MAPKAPK2: variants seen among roughly 807,000 people sequenced by gnomAD.
MAPKAPK2 encodes the protein MAPK activated protein kinase 2.
In MAPKAPK2, 9 loss-of-function variants were observed where a neutral mutation model predicts 48.8. The ratio of observed to expected loss-of-function variants is 0.18; its 90% CI spans 0.11 to 0.32. The LOEUF (loss-of-function observed/expected upper bound fraction) is 0.32. MAPKAPK2 is among the 10% of genes least tolerant of loss of function. The pLI is 1.00. For missense variants in MAPKAPK2, 331 were observed against 498.3 expected (o/e 0.66, Z 3.20); for synonymous variants, 202 against 190.6 (o/e 1.06, Z -0.49).
At chr1:206,712,326 C>T (rs1398874831) in intron 1 of MAPKAPK2, among the ~76,000 whole-genome samples, 1 of 152,084 alleles carries the variant, frequency 6.6e-6, no homozygotes, top group Non-Finnish European at 1.5e-5. Context: ...TGAAGGAAAC[C>T]GGAGGTATAA....
At chr1:206,715,679 T>G (rs1346737478) in intron 1 of MAPKAPK2, among the ~76,000 whole-genome samples, 2 of 150,174 alleles carry the variant, frequency 1.3e-5, no homozygotes, top group Non-Finnish European at 3.0e-5. Flanking sequence ...CAGGCTGAAG[T>G]GCAGTGGTAC....
At chr1:206,716,889 T>C (rs957802056) in intron 1 of MAPKAPK2, among the ~76,000 whole-genome samples, 3 of 152,072 alleles carry the variant, frequency 2.0e-5, no homozygotes, top group Admixed American at 2.0e-4. Flanking sequence ...ACATTTAGGG[T>C]GTTTCCTTCC....
chr1:206,689,880 G>A (rs2102372581), intron 1 of MAPKAPK2, among the ~76,000 whole-genome samples: 1 of 152,318 alleles, frequency 6.6e-6, no homozygotes, highest in South Asian at 2.1e-4. Flanking sequence ...CGTTCTCCTA[G>A]ACTTTGTTGG....
intron 1 of MAPKAPK2, among the ~76,000 whole-genome samples, chr1:206,711,069 T>G (rs1385629762): frequency 6.6e-6 from 1 of 152,254 alleles, no homozygotes; most frequent in Non-Finnish European, 1.5e-5. Context: ...TGCATGGTCA[T>G]TTTTATGGTT....
intron 1 of MAPKAPK2, among the ~76,000 whole-genome samples, chr1:206,712,967 C>CACACACAT (rs1394120860): frequency 1.1e-4 from 16 of 140,898 alleles, no homozygotes; most frequent in African/African-American, 4.1e-4. Context: ...CTCCATCACA[C>CACACACAT]ACACACACAC....
At chr1:206,721,950 A>AGCTACTCG (rs1171632942) in intron 1 of MAPKAPK2, among the ~76,000 whole-genome samples, 2 of 152,172 alleles carry the variant, frequency 1.3e-5, no homozygotes, top group Non-Finnish European at 2.9e-5. Flanking sequence ...CTGTAATCCC[A>AGCTACTCG]GCTACTCGGG....
chr1:206,692,622 G>C (rs1367361981), intron 1 of MAPKAPK2, among the ~76,000 whole-genome samples: 1 of 152,208 alleles, frequency 6.6e-6, no homozygotes, highest in Non-Finnish European at 1.5e-5. Flanking sequence ...TGTCTGATCA[G>C]TAAACACCTC....
rs1673901638 is a variant in MAPKAPK2 at position 206,731,298 on chromosome 1, C to CTG, written c.892+36_892+37insTG. The CTG allele has an allele frequency of 6.2e-7, 1 of 1,600,388 alleles. No homozygotes were observed. The highest frequency in any genetic ancestry group is 1.4e-5 in the African/African-American group (1 of 70,204). Reference sequence around the variant, plus strand: ...AGGCTTTCAGGACAAGGGGAAGAGCCCGTGTGTGTGTGTGTGTGTGTATGT... The same window carrying CTG: ...AGGCTTTCAGGACAAGGGGAAGAGCCTGCGTGTGTGTGTGTGTGTGTGTATGT... On this transcript the variant is annotated intron_variant, in intron 7 of 9. Transcript: ENST00000367103. This position sits in a 1 kb window ranked among gnomAD's most constrained non-coding sequence, Gnocchi z 5.9.
At chr1:206,699,937 T>C (rs1461546042) in intron 1 of MAPKAPK2, among the ~76,000 whole-genome samples, 1 of 151,604 alleles carries the variant, frequency 6.6e-6, no homozygotes, top group Non-Finnish European at 1.5e-5. Context: ...TCTTTTTCTT[T>C]TCTCCTTTCT....
intron 1 of MAPKAPK2, among the ~76,000 whole-genome samples, chr1:206,699,431 C>T (rs1672731835): frequency 6.6e-6 from 1 of 152,128 alleles, no homozygotes; most frequent in African/African-American, 2.4e-5. Context: ...GAAAATACGT[C>T]CAGTGGGATG....
At chr1:206,714,160 T>C (rs1673245462) in intron 1 of MAPKAPK2, among the ~76,000 whole-genome samples, 1 of 152,216 alleles carries the variant, frequency 6.6e-6, no homozygotes, top group South Asian at 2.1e-4. Context: ...ACTTTATTAC[T>C]GGCCATTTAT....
rs782186251 is a variant in MAPKAPK2 at position 206,685,300 on chromosome 1, C to G, written c.71C>G (p.Pro24Arg). The change falls in exon 1 of 10, where the codon CCC (proline) becomes CGC (arginine). Residue 24 changes from proline to arginine, a missense_variant. Coordinates refer to ENST00000367103, the MANE Select transcript of MAPKAPK2 (RefSeq NM_032960.4). ...FPAPAPPPQP[P>R]TPALPHPPAQ... ...GCCCCGGCCCCGCCGCCGCAGCCCC[C>G]CACCCCTGCCCTGCCGCACCCCCCG... 3 of 697,824 alleles carry G rather than the reference C, an allele frequency of 4.3e-6. No homozygotes were observed. The highest frequency in any genetic ancestry group is 6.5e-6 in the Non-Finnish European group (3 of 463,586). 43.2% of individuals were successfully genotyped at this position (697,824 alleles called of 1,614,324 possible). A position where few individuals can be genotyped will look rare whatever the true frequency, so the allele number is the denominator to read the frequency against.
Position 206,732,242 on chromosome 1 carries a change from C to T in MAPKAPK2, c.1059+323C>T. ...AGGCCCAGAGGCGGAGGGCAGTCTG[C>T]TCAAGGTCACGCAGCTGGTGACTGG... On this transcript the variant is annotated intron_variant, in intron 9 of 9. Transcript: ENST00000367103. This position sits in a 1 kb window ranked among gnomAD's most constrained non-coding sequence, Gnocchi z 4.4. 6.7e-7 allele frequency: 1 copy of T among 1,494,194 alleles called. No homozygotes were observed. The allele number at this position is 1,494,194 out of a possible 1,614,324, so 92.6% of individuals were successfully genotyped here.
At chr1:206,709,179 A>G (rs1673059356) in intron 1 of MAPKAPK2, among the ~76,000 whole-genome samples, 1 of 152,134 alleles carries the variant, frequency 6.6e-6, no homozygotes, top group African/African-American at 2.4e-5. Context: ...CTGCCCTCTC[A>G]TTGTACTGTG....
In MAPKAPK2 at chr1:206,731,302, G is replaced by GTA. The variant is rs1673902879; in HGVS notation, c.892+41_892+42insAT. The stretch of plus-strand genomic sequence containing the variant: ...TTTCAGGACAAGGGGAAGAGCCCGT[G>GTA]TGTGTGTGTGTGTGTGTATGTGTGT... On this transcript the variant is annotated intron_variant, in intron 7 of 9. Transcript: ENST00000367103. This position sits in a 1 kb window ranked among gnomAD's most constrained non-coding sequence, Gnocchi z 5.9. The GTA allele has an allele frequency of 2.0e-6, 3 of 1,527,056 alleles. No individual in the cohort carries two copies. The South Asian group carries it at 3.4e-5, about 18-fold the overall frequency. 94.6% of individuals were successfully genotyped at this position (1,527,056 alleles called of 1,614,324 possible).
At chr1:206,723,859 C>G (rs1183723097) in intron 1 of MAPKAPK2, among the ~76,000 whole-genome samples, 1 of 152,254 alleles carries the variant, frequency 6.6e-6, no homozygotes, top group Non-Finnish European at 1.5e-5. Flanking sequence ...GCTTCCTTCC[C>G]AGGCAATGCG....
At position 206,696,055 on chromosome 1, in the gene MAPKAPK2, A is replaced by G. The variant is rs1032250344; in HGVS notation, c.279+10547A>G. 10 of 916,098 alleles carry G rather than the reference A, an allele frequency of 1.1e-5. No individual in the cohort carries two copies. The Admixed American group carries it at 1.5e-4, about 14-fold the overall frequency. 56.7% of individuals were successfully genotyped at this position (916,098 alleles called of 1,614,324 possible). A position where few individuals can be genotyped will look rare whatever the true frequency, so the allele number is the denominator to read the frequency against. On this transcript the variant is annotated intron_variant, in intron 1 of 9. Transcript: ENST00000367103. ...CATCCCGGGCAGCCAACATAGCAGC[A>G]TGTGGTGAGGATTCATCTCACCTGC...
intron 1 of MAPKAPK2, among the ~76,000 whole-genome samples, chr1:206,689,777 T>G (rs782152501): frequency 6.6e-6 from 1 of 152,218 alleles, no homozygotes; most frequent in Non-Finnish European, 1.5e-5. Flanking sequence ...ATTTGAAAAA[T>G]CAGTTGCTAG....
Position 206,732,845 on chromosome 1 carries a change from T to G in MAPKAPK2, c.*127T>G, listed in dbSNP as rs1553432966. 8.9e-7 allele frequency: 1 copy of G among 1,117,338 alleles called. No homozygotes were observed. The highest frequency in any genetic ancestry group is 2.6e-5 in the East Asian group (1 of 39,032). The allele number at this position is 1,117,338 out of a possible 1,614,324, so 69.2% of individuals were successfully genotyped here. On this transcript the variant is annotated 3_prime_UTR_variant, in exon 10 of 10. Coordinates refer to ENST00000367103, the MANE Select transcript of MAPKAPK2 (RefSeq NM_032960.4). This position sits in a 1 kb window ranked among gnomAD's most constrained non-coding sequence, Gnocchi z 4.4. ...TCCTCAGCTGCATGGAGCCTGGAAC[T>G]GCATCAGTGACTGAATTCTGCCTTG...
Sources: gnomAD v4.1 joint callset for allele counts (sites outside exome capture counted in the v4.1 genomes callset) on GRCh38, gnomAD v4.1.1 for gene constraint, Gnocchi (gnomAD v3.1) non-coding constraint, MANE v1.5 for transcripts, NCBI Gene and HGNC (gene_info 2026-07-23, HGNC 2026-07-21) for gene names.